Variants in RGS12 observed in about 807,000 individuals in gnomAD.
RGS12 encodes regulator of G-protein signaling 12.
In RGS12, 66 loss-of-function variants were observed where a neutral mutation model predicts 120.1. That is an observed-to-expected ratio of 0.55 (90% CI 0.45 to 0.67). RGS12 has a LOEUF of 0.67. Ranked by LOEUF, RGS12 falls within the 30% of genes least tolerant of loss-of-function variation. RGS12 has a pLI of 0.00. For missense variants in RGS12, 1,859 were observed against 1,957.7 expected (o/e 0.95, Z 0.95); for synonymous variants, 827 against 804.7 (o/e 1.03, Z -0.47).
At chr4:3,404,017 T>G (rs1350876728) in intron 4 of RGS12, among the ~76,000 whole-genome samples, 1 of 152,258 alleles carries the variant, frequency 6.6e-6, no homozygotes, top group Non-Finnish European at 1.5e-5. Context: ...ACCACACTTC[T>G]GTGCAGAACT....
chr4:3,430,386 C>T lies in RGS12; in HGVS notation c.3566-21C>T, dbSNP rs199519589. ...TGTGAAACTCTCTAAAACACGGTCACTCTGGGTTTTCTTCCAATAGAGTTT... is the reference window on the plus strand; with the variant it reads ...TGTGAAACTCTCTAAAACACGGTCATTCTGGGTTTTCTTCCAATAGAGTTT... On this transcript the variant is annotated intron_variant, in intron 16 of 17. Transcript: ENST00000336727. 2.5e-6 allele frequency: 4 copies of T among 1,596,456 alleles called. No homozygotes were observed. The African/African-American group carries it at 5.4e-5, about 21-fold the overall frequency.
chr4:3,403,722 C>T (rs1720825374), intron 4 of RGS12, among the ~76,000 whole-genome samples: 1 of 152,228 alleles, frequency 6.6e-6, no homozygotes, highest in Admixed American at 6.5e-5. Context: ...TGAGCCTACC[C>T]TACCTGTTCT....
At chr4:3,363,434 C>T (rs1046978105) in intron 3 of RGS12, among the ~76,000 whole-genome samples, 3 of 152,044 alleles carry the variant, frequency 2.0e-5, no homozygotes, top group African/African-American at 7.2e-5. Context: ...CCAGCCTCCC[C>T]GAGAGACCCC....
At position 3,342,979 on chromosome 4, in the gene RGS12, C is replaced by T; in HGVS notation, c.1924C>T (p.Gln642Ter). 1 of 1,613,900 alleles carries T rather than the reference C, an allele frequency of 6.2e-7. No individual in the cohort carries two copies. The highest frequency in any genetic ancestry group is 8.5e-7 in the Non-Finnish European group (1 of 1,179,968). The change falls in exon 3 of 18, where the codon CAA becomes TAA. Residue 642 changes from glutamine (Q) to a stop codon, truncating the protein, a stop_gained. Transcript: ENST00000336727. LOFTEE classifies it high-confidence loss of function. Reference protein sequence around the residue: ...GRGTGLTQPSQRTSARRSFGR... With the variant: ...GRGTGLTQPS ...GGGAACTGGACTCACTCAGCCTTCT[C>T]AACGCACGTCTGCTCGGAGATCATT...
At chr4:3,310,570 G>A (rs1724327426) in intron 1 of RGS12, among the ~76,000 whole-genome samples, 1 of 152,200 alleles carries the variant, frequency 6.6e-6, no homozygotes, top group African/African-American at 2.4e-5. Context: ...GAGTGGCCAG[G>A]GACTTGGAGG....
Position 3,317,507 on chromosome 4 carries a change from G to A in RGS12, c.1337G>A (p.Ser446Asn). ...GTCCTTGTGGTGGACCTGGGTGGGA[G>A]CTCGAGCAGACACGGCCCCGGAGGC... ...NRVLVVDLGG[S>N]SSRHGPGGSA... Residue 446 changes from serine to asparagine, a missense_variant, in exon 2 of 18, where the codon AGC (serine) becomes AAC (asparagine). Transcript: ENST00000336727. 1.2e-6 allele frequency: 2 copies of A among 1,612,992 alleles called. No individual in the cohort carries two copies. The highest frequency in any genetic ancestry group is 2.7e-5 in the African/African-American group (2 of 75,072).
chr4:3,384,959 C>G (rs1247667550), intron 3 of RGS12, among the ~76,000 whole-genome samples: 1 of 152,186 alleles, frequency 6.6e-6, no homozygotes, highest in African/African-American at 2.4e-5. Flanking sequence ...GGTGGTCAGA[C>G]AGGATGTGCA....
At chr4:3,388,206 CGGG>C (rs1318652078) in intron 4 of RGS12, among the ~76,000 whole-genome samples, 2 of 4,924 alleles carry the variant, frequency 4.1e-4, no homozygotes, top group Admixed American at 4.7e-3. Context: ...GAGGAGGAGA[CGGG>C]AGGGAGGAGG....
At chr4:3,413,489 G>A (rs2109098055) in intron 4 of RGS12, 1 of 152,814 alleles carries the variant, frequency 6.5e-6, no homozygotes, top group Admixed American at 6.5e-5. Flanking sequence ...GCAGAGCAGT[G>A]TGCAGTCACG....
intron 11 of RGS12, 139 bp from the exon 12 acceptor site, chr4:3,422,766 A>G: frequency 2.0e-6 from 2 of 984,588 alleles, no homozygotes; most frequent in Non-Finnish European, 3.1e-6. Context: ...TTGGTGTGGA[A>G]AGGGTGATCG....
chr4:3,414,026 G>T, intron 4 of RGS12, 46 bp from the exon 5 acceptor site: 1 of 1,485,838 alleles, frequency 6.7e-7, no homozygotes, highest in East Asian at 2.4e-5. Flanking sequence ...TCACTGGGCC[G>T]GGGCGGAGGG....
At chr4:3,415,217 C>T (rs911355192) in intron 6 of RGS12, among the ~76,000 whole-genome samples, 5 of 151,498 alleles carry the variant, frequency 3.3e-5, no homozygotes, top group Admixed American at 6.6e-5. Context: ...TGTGAGAGGG[C>T]CGCGTGGCCT....
intron 14 of RGS12, 134 bp from the exon 15 acceptor site, chr4:3,427,956 G>A (rs1008127184): frequency 1.2e-5 from 10 of 829,766 alleles, no homozygotes; most frequent in South Asian, 8.9e-5. Context: ...AGGGCTGTGC[G>A]TGGTGAATAA....
At chr4:3,310,850 C>T (rs1264442680) in intron 1 of RGS12, among the ~76,000 whole-genome samples, 1 of 152,148 alleles carries the variant, frequency 6.6e-6, no homozygotes, top group Non-Finnish European at 1.5e-5. Flanking sequence ...TGTCTCAGGC[C>T]CTTCCTCTGT....
At chr4:3,420,337 T>G in intron 9 of RGS12, 19 of 465,384 alleles carry the variant, frequency 4.1e-5, no homozygotes, top group East Asian at 8.4e-5. Context: ...ACTGATGTGA[T>G]TTGTTGGGCA....
chr4:3,315,146 G>A (rs1724656082), intron 1 of RGS12, among the ~76,000 whole-genome samples: 2 of 152,222 alleles, frequency 1.3e-5, no homozygotes, highest in South Asian at 4.1e-4. Context: ...GACCCCGCTG[G>A]GAGAGGATTC....
Position 3,316,867 on chromosome 4 carries a change from G to A in RGS12, c.697G>A (p.Gly233Ser), listed in dbSNP as rs747964955. The A allele has an allele frequency of 9.3e-6, 15 of 1,614,148 alleles. No individual in the cohort carries two copies. The highest frequency in any genetic ancestry group is 8.5e-6 in the Non-Finnish European group (10 of 1,180,046). ...ASILNVAMIVGYLGSIELPST... is the reference protein window; with the variant it reads ...ASILNVAMIVSYLGSIELPST... ...TATTTTAAACGTGGCGATGATCGTG[G>A]GCTACTTAGGCTCCATTGAGCTTCC... Residue 233 changes from glycine (G) to serine (S), a missense_variant, in exon 2 of 18, where the codon GGC (glycine) becomes AGC (serine). Physicochemically the swap from Gly to Ser is moderately conservative, Grantham distance 56 (BLOSUM62 0). Around this residue, in one of 3 missense-constraint regions of RGS12, gnomAD observed 967 missense variants for 994.2 expected, o/e 0.97. Coordinates refer to ENST00000336727, the MANE Select transcript of RGS12 (RefSeq NM_001394154.1).
At chr4:3,431,739 C>T (rs1238059286) in intron 17 of RGS12, 27 of 985,482 alleles carry the variant, frequency 2.7e-5, no homozygotes, top group Admixed American at 6.1e-5. Context: ...GCTCAGGGTG[C>T]GCGTCATGGA....
chr4:3,400,395 C>A (rs1720460677), intron 4 of RGS12, among the ~76,000 whole-genome samples: 1 of 152,088 alleles, frequency 6.6e-6, no homozygotes, highest in South Asian at 2.1e-4. Flanking sequence ...GGGGCTCTCA[C>A]TTTTCTTCAA....
Sources: allele counts gnomAD v4.1 joint callset (sites outside exome capture counted in the v4.1 genomes callset), GRCh38; gene constraint gnomAD v4.1.1; regional missense constraint gnomAD v4.1.1; transcripts MANE v1.5; gene names NCBI Gene and HGNC (gene_info 2026-07-23, HGNC 2026-07-21).